ARHGEF28: variants seen among roughly 807,000 people sequenced by gnomAD.
ARHGEF28 encodes the protein Rho guanine nucleotide exchange factor 28, also known as 190 kDa guanine nucleotide exchange factor.
A neutral mutation model predicts 206.6 loss-of-function variants in ARHGEF28; 152 were observed. That is an observed-to-expected ratio of 0.74 (90% CI 0.64 to 0.84). The LOEUF (loss-of-function observed/expected upper bound fraction) is 0.84, where lower values mean the gene tolerates loss of function less well. Ranked by LOEUF, ARHGEF28 falls within the 40% of genes least tolerant of loss-of-function variation. ARHGEF28 has a pLI of 0.00. For synonymous variants in ARHGEF28, 763 were observed against 776.4 expected (o/e 0.98, Z 0.29); for missense variants, 2,028 against 2,073.2 (o/e 0.98, Z 0.42).
intron 24 of ARHGEF28, among the ~76,000 whole-genome samples, chr5:73,884,476 G>A (rs1272007858): frequency 1.3e-5 from 2 of 152,076 alleles, no homozygotes; most frequent in Non-Finnish European, 2.9e-5. Flanking sequence ...CAGAATAGAT[G>A]ATCAATAAAT....
chr5:73,669,610 G>A (rs1331671728), intron 1 of ARHGEF28, among the ~76,000 whole-genome samples: 1 of 152,280 alleles, frequency 6.6e-6, no homozygotes, highest in Non-Finnish European at 1.5e-5. Context: ...ATTCAGACGT[G>A]TTGTAGTCTT....
rs1454637380 is a variant in ARHGEF28 at position 73,674,046 on chromosome 5, C to CTGCA, written c.-11-10794_-11-10791dup. ...AAAAGGTGGGTGTGGTGGTATGCTC[C>CTGCA]TGCAGTTCCAGCTACTCAGAGGGCT... On this transcript the variant is annotated intron_variant, in intron 1 of 35. Transcript: ENST00000513042. Among the ~76,000 whole-genome samples, 85 of 151,390 alleles carry CTGCA rather than the reference C, an allele frequency of 5.6e-4. 1 individual carries two copies. Among genetic ancestry groups the CTGCA allele is most frequent in the Non-Finnish European group, 1.6e-4 (11 of 67,878 alleles).
chr5:73,706,253 A>C (rs987499519), intron 2 of ARHGEF28, among the ~76,000 whole-genome samples: 3 of 152,168 alleles, frequency 2.0e-5, no homozygotes, highest in African/African-American at 7.2e-5. Flanking sequence ...GAGAGACAGG[A>C]GAATCGCTTG....
At chr5:73,784,543 T>G (rs1019990347) in intron 7 of ARHGEF28, among the ~76,000 whole-genome samples, 10 of 152,194 alleles carry the variant, frequency 6.6e-5, no homozygotes, top group African/African-American at 2.4e-4. Flanking sequence ...GATCTCTCTG[T>G]CCTAGGATTT....
intron 4 of ARHGEF28, among the ~76,000 whole-genome samples, chr5:73,768,241 G>A (rs1180471782): frequency 6.6e-6 from 1 of 152,186 alleles, no homozygotes; most frequent in Non-Finnish European, 1.5e-5. Context: ...CTGGGACACT[G>A]CCTAGTGGAG....
chr5:73,833,133 A>G (rs1757404761), intron 10 of ARHGEF28, among the ~76,000 whole-genome samples: 1 of 152,196 alleles, frequency 6.6e-6, no homozygotes, highest in Non-Finnish European at 1.5e-5. Flanking sequence ...ATTTATAAAA[A>G]TTATAGATCT....
intron 22 of ARHGEF28, among the ~76,000 whole-genome samples, chr5:73,880,219 G>C (rs528384574): frequency 6.6e-6 from 1 of 152,308 alleles, no homozygotes; most frequent in Admixed American, 6.5e-5. Flanking sequence ...GTGGGTGTAG[G>C]ACCCTCCGAG....
chr5:73,917,345 T>C (rs1763267147), intron 35 of ARHGEF28, among the ~76,000 whole-genome samples: 2 of 152,244 alleles, frequency 1.3e-5, no homozygotes, highest in South Asian at 4.1e-4. Flanking sequence ...TTGCTCTTGG[T>C]AATCTATATC....
chr5:73,922,143 G>A (rs1763554118), intron 35 of ARHGEF28, among the ~76,000 whole-genome samples: 2 of 152,246 alleles, frequency 1.3e-5, no homozygotes, highest in South Asian at 2.1e-4. Flanking sequence ...ATTTCTCAAA[G>A]ACTGTTTGGC....
chr5:73,869,940 G>A (rs922761983), intron 20 of ARHGEF28, 129 bp from the exon 21 acceptor site: 6 of 1,090,854 alleles, frequency 5.5e-6, no homozygotes, highest in African/African-American at 3.2e-5. Flanking sequence ...ATGTTAATAT[G>A]TTTTGGTTTA....
chr5:73,694,398 C>T (rs1032754849), intron 2 of ARHGEF28, among the ~76,000 whole-genome samples: 2 of 152,142 alleles, frequency 1.3e-5, no homozygotes, highest in Admixed American at 1.3e-4. Context: ...AGTGACAGCT[C>T]CCACAATTTG....
At chr5:73,743,806 C>T (rs894669600) in intron 2 of ARHGEF28, among the ~76,000 whole-genome samples, 9 of 152,084 alleles carry the variant, frequency 5.9e-5, no homozygotes, top group East Asian at 1.9e-4. Flanking sequence ...TTCCCCTCAC[C>T]GTATCTATCT....
At chr5:73,895,428 G>A (rs763949956) in intron 29 of ARHGEF28, among the ~76,000 whole-genome samples, 4 of 152,130 alleles carry the variant, frequency 2.6e-5, no homozygotes, top group East Asian at 1.9e-4. Context: ...GAAGGCAAAC[G>A]AGTGGCTGAA....
chr5:73,758,246 G>A (rs1040360208), intron 4 of ARHGEF28, among the ~76,000 whole-genome samples: 4 of 152,026 alleles, frequency 2.6e-5, no homozygotes, highest in African/African-American at 9.7e-5. Context: ...GTCCTGGTTA[G>A]GATTTCTAAT....
chr5:73,861,146 C>T (rs928767851), intron 16 of ARHGEF28, among the ~76,000 whole-genome samples: 6 of 152,138 alleles, frequency 3.9e-5, no homozygotes, highest in African/African-American at 9.7e-5. Flanking sequence ...CCTAATCACA[C>T]GATGACTCCC....
At chr5:73,828,644 T>C (rs34631119) in intron 9 of ARHGEF28, among the ~76,000 whole-genome samples, 21,822 of 151,302 alleles carry the variant, frequency 0.14, 1,740 homozygotes, top group East Asian at 0.2. Context: ...TTGTTTCTCC[T>C]TTCCTTTCCT....
chr5:73,756,905 T>A (rs184039986), intron 4 of ARHGEF28, among the ~76,000 whole-genome samples: 2 of 152,330 alleles, frequency 1.3e-5, no homozygotes, highest in African/African-American at 4.8e-5. Context: ...TAGTTGGGAA[T>A]AAACAAGAGT....
chr5:73,919,527 C>T (rs1032788330), intron 35 of ARHGEF28, among the ~76,000 whole-genome samples: 1 of 152,188 alleles, frequency 6.6e-6, no homozygotes, highest in Non-Finnish European at 1.5e-5. Context: ...CATGACTGAA[C>T]ATCACCTCCA....
chr5:73,728,992 C>T (rs1250851953), intron 2 of ARHGEF28, among the ~76,000 whole-genome samples: 1 of 152,184 alleles, frequency 6.6e-6, no homozygotes, highest in Non-Finnish European at 1.5e-5. Context: ...TAAGAGGCCT[C>T]ATAAATATCA....
Sources: gnomAD v4.1 joint callset for allele counts (sites outside exome capture counted in the v4.1 genomes callset) on GRCh38, gnomAD v4.1.1 for gene constraint, MANE v1.5 for transcripts, NCBI Gene and HGNC (gene_info 2026-07-23, HGNC 2026-07-21) for gene names.